BNIP5: variants seen among roughly 807,000 people sequenced by gnomAD.
The protein encoded by BNIP5 is protein BNIP5.
Under a neutral mutation model 67.3 loss-of-function variants are expected in BNIP5, and 61 were observed. The observed-to-expected ratio is 0.91, with a 90% confidence interval of 0.74 to 1.12. The LOEUF (loss-of-function observed/expected upper bound fraction) is 1.12, where lower values mean the gene tolerates loss of function less well. Among genes scored for constraint, BNIP5 ranks in the 50% most tolerant of loss-of-function variants. The probability of loss-of-function intolerance (pLI) is 0.00; values close to 1 mark genes in which losing one functional copy is unlikely to be tolerated. For missense variants in BNIP5, 826 were observed against 816.3 expected (o/e 1.01, Z -0.14); for synonymous variants, 317 against 319.0 (o/e 0.99, Z 0.07).
chr6:36,336,187 C>T (rs1184977564), intron 1 of BNIP5, among the ~76,000 whole-genome samples: 2 of 152,210 alleles, frequency 1.3e-5, no homozygotes, highest in Non-Finnish European at 2.9e-5. Context: ...TTTCCCCATT[C>T]TTGGACTAAC....
Position 36,330,692 on chromosome 6 carries a change from G to T in BNIP5, c.-2C>A, listed in dbSNP as rs771910643. ...CCTTGGGCACCTTGGATTCTCCATC[G>T]GGCTGCAACCAAAACACACAGCTCC... On this transcript the variant is annotated splice_region_variant and 5_prime_UTR_variant, in exon 2 of 12. Coordinates refer to ENST00000437635, the MANE Select transcript of BNIP5 (RefSeq NM_001010903.5). 6.4e-7 allele frequency: 1 copy of T among 1,552,518 alleles called. No homozygotes were observed. The highest frequency in any genetic ancestry group is 2.0e-5 in the Admixed American group (1 of 49,402).
Position 36,328,576 on chromosome 6 carries a change from GTCACTAGAGATTCCGAC to G in BNIP5, c.727+5_727+21del. 2 of 1,474,796 alleles carry G rather than the reference GTCACTAGAGATTCCGAC, an allele frequency of 1.4e-6. No homozygotes were observed. The highest frequency in any genetic ancestry group is 1.9e-6 in the Non-Finnish European group (2 of 1,052,968). 91.4% of individuals were successfully genotyped at this position (1,474,796 alleles called of 1,614,324 possible). A position where few individuals can be genotyped will look rare whatever the true frequency, so the allele number is the denominator to read the frequency against. ...AGCCACCTCAGCCACAGGCAAAAAG[GTCACTAGAGATTCCGAC>G]TCACGGTCAGGCTTTTTGAGCTCCT... On this transcript the variant is annotated splice_donor_5th_base_variant and intron_variant, in intron 3 of 11. Transcript: ENST00000437635.
intron 1 of BNIP5, among the ~76,000 whole-genome samples, chr6:36,331,080 A>G (rs1025159553): frequency 5.9e-5 from 9 of 152,156 alleles, no homozygotes; most frequent in Non-Finnish European, 1.2e-4. Context: ...CTCCCTCAGC[A>G]GAGGCCTCCT....
At chr6:36,320,064 T>C (rs975036788) in intron 10 of BNIP5, among the ~76,000 whole-genome samples, 15 of 152,072 alleles carry the variant, frequency 9.9e-5, no homozygotes, top group Non-Finnish European at 2.1e-4. Context: ...GGGAATGAAA[T>C]GAGAGAATTT....
Position 36,326,550 on chromosome 6 carries a change from CAG to C in BNIP5, c.994_995del (p.Leu332ValfsTer19). 1.2e-6 allele frequency: 2 copies of C among 1,614,260 alleles called. No individual in the cohort carries two copies. Among genetic ancestry groups the C allele is most frequent in the Non-Finnish European group, 1.7e-6 (2 of 1,180,052 alleles). On this transcript the variant is annotated frameshift_variant, in exon 5 of 12. Transcript: ENST00000437635. LOFTEE classifies it high-confidence loss of function. ...WPPKKSSFLP[L>X]CVSGHRPSIS... ...TGGAAGGCCGATGGCCGCTGACACA[CAG>C]GGGCAGAAAGCTGGACTTCTTGGGT...
At chr6:36,329,898 GAGGA>G (rs1245822522) in intron 2 of BNIP5, among the ~76,000 whole-genome samples, 179 bp downstream of exon 2, 1 of 150,304 alleles carries the variant, frequency 6.7e-6, no homozygotes, top group Admixed American at 6.6e-5. Flanking sequence ...AGGAGGAGGA[GAGGA>G]AGGAAGGAAG....
intron 1 of BNIP5, among the ~76,000 whole-genome samples, chr6:36,335,574 C>A (rs1771995934): frequency 6.6e-6 from 1 of 152,222 alleles, no homozygotes; most frequent in African/African-American, 2.4e-5. Flanking sequence ...GAGAGGGGAC[C>A]TGAGCCTGGG....
intron 4 of BNIP5, 102 bp from the exon 5 acceptor site, chr6:36,326,855 G>T (rs1314905350): frequency 2.6e-6 from 4 of 1,538,826 alleles, no homozygotes; most frequent in Non-Finnish European, 3.6e-6. Flanking sequence ...ATGGCCCCGA[G>T]AGAGGGGAGG....
intron 9 of BNIP5, 43 bp from the exon 10 acceptor site, chr6:36,321,262 A>G (rs1771631177): frequency 7.1e-7 from 1 of 1,417,386 alleles, no homozygotes; most frequent in Non-Finnish European, 9.8e-7. Context: ...TGACTGGGTG[A>G]TGCCCAGTTC....
At position 36,320,126 on chromosome 6, in the gene BNIP5, A is replaced by G. The variant is rs372247964; in HGVS notation, c.1669-516T>C. On this transcript the variant is annotated intron_variant, in intron 10 of 11. Transcript: ENST00000437635. ...TTAGTACAGATGTTAGAGGAATTTAATTCCTTCTAAGCCTCCTCCAACAAG... is the reference window on the plus strand; with the variant it reads ...TTAGTACAGATGTTAGAGGAATTTAGTTCCTTCTAAGCCTCCTCCAACAAG... Among the ~76,000 whole-genome samples, 16 of 152,338 alleles carry G rather than the reference A, an allele frequency of 1.1e-4. No homozygotes were observed. In the East Asian group the frequency reaches 2.5e-3, roughly 24 times the overall value.
At chr6:36,321,543 A>C (rs1163094973) in intron 9 of BNIP5, among the ~76,000 whole-genome samples, 1 of 152,172 alleles carries the variant, frequency 6.6e-6, no homozygotes, top group Non-Finnish European at 1.5e-5. Context: ...AGGGTAGCAC[A>C]GTCAAGAATG....
intron 1 of BNIP5, among the ~76,000 whole-genome samples, chr6:36,333,526 A>T (rs534485312): frequency 3.0e-4 from 46 of 152,326 alleles, no homozygotes; most frequent in Non-Finnish European, 4.9e-4. Context: ...GTTCTCACTT[A>T]TTTCTCTCAA....
Position 36,330,635 on chromosome 6 carries a change from A to G in BNIP5, c.56T>C (p.Leu19Pro). 1 of 1,606,168 alleles carries G rather than the reference A, an allele frequency of 6.2e-7. No individual in the cohort carries two copies. The highest frequency in any genetic ancestry group is 8.5e-7 in the Non-Finnish European group (1 of 1,179,382). The change falls in exon 2 of 12, where the codon CTG (leucine) becomes CCG (proline). Residue 19 changes from leucine to proline, a missense_variant. By Grantham distance (98) the Leu-to-Pro change is moderately conservative. Transcript: ENST00000437635. The stretch of plus-strand genomic sequence containing the variant: ...TTTCCCGGGGGCCTGCGGCCTGTCC[A>G]GAGACCTGGCTTTCTTCTCCGCCAG... Reference protein sequence around the residue: ...RPLAEKKARSLDRPQAPGKGS... With the variant: ...RPLAEKKARSPDRPQAPGKGS...
intron 1 of BNIP5, among the ~76,000 whole-genome samples, chr6:36,334,006 T>C (rs1771959894): frequency 2.6e-5 from 4 of 152,304 alleles, no homozygotes; most frequent in African/African-American, 4.8e-5. Context: ...GGCGCTTCCT[T>C]ACCCAGTTAA....
intron 6 of BNIP5, 23 bp from the exon 7 acceptor site, chr6:36,324,213 G>A (rs1375168948): frequency 6.2e-7 from 1 of 1,601,370 alleles, no homozygotes. Flanking sequence ...AACACGCATG[G>A]TTAACTTTGG....
At chr6:36,326,091 T>G (rs527680236) in intron 5 of BNIP5, among the ~76,000 whole-genome samples, 1 of 152,336 alleles carries the variant, frequency 6.6e-6, no homozygotes, top group Admixed American at 6.5e-5. Flanking sequence ...CAGGGAAATG[T>G]CTCACTTTAC....
chr6:36,327,041 A>G lies in BNIP5; in HGVS notation c.781T>C (p.Trp261Arg). 6.2e-7 allele frequency: 1 copy of G among 1,614,092 alleles called. No homozygotes were observed. The highest frequency in any genetic ancestry group is 8.5e-7 in the Non-Finnish European group (1 of 1,179,894). The part of the protein sequence containing the change: ...VELLKRVGDQ[W>R]EEEQSLASQL... The stretch of plus-strand genomic sequence containing the variant: ...AGTTTACTCCTCACCTCTTCTTCCC[A>G]CTGGTCTCCCACTCTTTTGAGCAAT... The change falls in exon 4 of 12, where the codon TGG (tryptophan) becomes CGG (arginine). Residue 261 changes from tryptophan to arginine, a missense_variant. Physicochemically the swap from Trp to Arg is moderately radical, Grantham distance 101 (BLOSUM62 -3). Transcript: ENST00000437635.
intron 6 of BNIP5, among the ~76,000 whole-genome samples, chr6:36,324,976 C>T (rs1771728742): frequency 6.6e-6 from 1 of 152,146 alleles, no homozygotes; most frequent in African/African-American, 2.4e-5. Context: ...ACAGCCCAGA[C>T]TCAAACCAAG....
At chr6:36,333,291 C>T (rs145281719) in intron 1 of BNIP5, among the ~76,000 whole-genome samples, 172 of 152,232 alleles carry the variant, frequency 1.1e-3, no homozygotes, top group African/African-American at 3.9e-3. Context: ...GAAATCAGGT[C>T]GGGGAGGAGG....
Sources: gnomAD v4.1 joint callset for allele counts (sites outside exome capture counted in the v4.1 genomes callset) on GRCh38, gnomAD v4.1.1 for gene constraint, MANE v1.5 for transcripts, NCBI Gene and HGNC (gene_info 2026-07-23, HGNC 2026-07-21) for gene names.